CACNB2: variants seen among roughly 807,000 people sequenced by gnomAD.
The protein encoded by CACNB2 is voltage-dependent L-type calcium channel subunit beta-2.
Under a neutral mutation model 73.3 loss-of-function variants are expected in CACNB2, and 42 were observed. The observed-to-expected ratio is 0.57, with a 90% confidence interval of 0.45 to 0.74. The LOEUF (loss-of-function observed/expected upper bound fraction) is 0.74, where lower values mean the gene tolerates loss of function less well. CACNB2 is among the 30% of genes least tolerant of loss of function. The pLI is 0.00. For synonymous variants in CACNB2, 348 were observed against 310.3 expected (o/e 1.12, Z -1.28); for missense variants, 940 against 853.0 (o/e 1.10, Z -1.27).
intron 2 of CACNB2, chr10:18,261,876 T>C: frequency 2.0e-6 from 1 of 512,542 alleles, no homozygotes; most frequent in Non-Finnish European, 3.9e-6. Flanking sequence ...TTTTGCAAAA[T>C]GGCTGTCTGA....
At position 18,253,980 on chromosome 10, in the gene CACNB2, A is replaced by T. The variant is rs151334006; in HGVS notation, c.213+103005A>T. On this transcript the variant is annotated intron_variant, in intron 2 of 13. Coordinates refer to ENST00000324631, the MANE Select transcript of CACNB2 (RefSeq NM_201596.3). ...CCCAGAAACTAAGCAAATTTACATC[A>T]TACGAAGCTGAGGGATATAGGTTGA... 1.8e-3 allele frequency among the ~76,000 whole-genome samples: 278 copies of T among 152,338 alleles called. 4 individuals are homozygous for T. The highest frequency in any genetic ancestry group is 0.01 in the Middle Eastern group (3 of 294).
intron 3 of CACNB2, among the ~76,000 whole-genome samples, chr10:18,437,020 T>A (rs924634880): frequency 6.6e-6 from 1 of 152,240 alleles, no homozygotes; most frequent in African/African-American, 2.4e-5. Context: ...CAATCAATCT[T>A]ATTTTGGTGT....
chr10:18,292,538 T>G (rs2039109384), intron 2 of CACNB2, among the ~76,000 whole-genome samples: 1 of 152,046 alleles, frequency 6.6e-6, no homozygotes, highest in South Asian at 2.1e-4. Flanking sequence ...TGCCTATAGT[T>G]CCAGCTACTC....
rs182429642 is a variant in CACNB2 at position 18,391,015 on chromosome 10, G to A, written c.214-10909G>A. Reference sequence around the variant, plus strand: ...AAAGAAGCTTCACAAAAAATAAGTTGTAATCATATTTTCAAAATATAAAGT... The same window carrying A: ...AAAGAAGCTTCACAAAAAATAAGTTATAATCATATTTTCAAAATATAAAGT... On this transcript the variant is annotated intron_variant, in intron 2 of 13. Transcript: ENST00000324631. Among the ~76,000 whole-genome samples the A allele has an allele frequency of 5.3e-4, 81 of 152,324 alleles. No individual in the cohort carries two copies. The East Asian group carries it at 0.012, about 22-fold the overall frequency.
chr10:18,453,876 T>G (rs2047136409), intron 3 of CACNB2, among the ~76,000 whole-genome samples: 1 of 152,152 alleles, frequency 6.6e-6, no homozygotes, highest in Admixed American at 6.5e-5. Flanking sequence ...CTCAGGTCAT[T>G]TGCCTGCCTG....
At chr10:18,443,997 G>A (rs1486597409) in intron 3 of CACNB2, among the ~76,000 whole-genome samples, 5 of 152,166 alleles carry the variant, frequency 3.3e-5, no homozygotes, top group Admixed American at 1.3e-4. Flanking sequence ...TTACAGGCGT[G>A]AGCCACCACA....
chr10:18,365,902 A>AGC (rs2042325675), intron 2 of CACNB2, among the ~76,000 whole-genome samples: 1 of 152,240 alleles, frequency 6.6e-6, no homozygotes, highest in Non-Finnish European at 1.5e-5. Context: ...TGAGGATGTA[A>AGC]GAATCTGTCA....
chr10:18,296,106 T>G (rs910685791), intron 2 of CACNB2, among the ~76,000 whole-genome samples: 1 of 150,796 alleles, frequency 6.6e-6, no homozygotes, highest in Non-Finnish European at 1.5e-5. Context: ...CAGAGATCTA[T>G]CTCTTGTTGC....
intron 3 of CACNB2, among the ~76,000 whole-genome samples, chr10:18,491,165 C>T (rs575517524): frequency 6.6e-6 from 1 of 152,314 alleles, no homozygotes; most frequent in African/African-American, 2.4e-5. Flanking sequence ...AGTAAATGGC[C>T]CACTGGCCTC....
intron 2 of CACNB2, among the ~76,000 whole-genome samples, chr10:18,198,108 T>A (rs925548688): frequency 1.3e-5 from 2 of 148,152 alleles, no homozygotes; most frequent in African/African-American, 4.9e-5. Context: ...ATGTAATATA[T>A]TCATATGACA....
At chr10:18,279,170 G>A (rs1028133584) in intron 2 of CACNB2, among the ~76,000 whole-genome samples, 1 of 152,184 alleles carries the variant, frequency 6.6e-6, no homozygotes, top group Non-Finnish European at 1.5e-5. Context: ...GGATTTGGCT[G>A]TCTTTCTGAA....
At chr10:18,308,782 T>C (rs1589003443) in intron 2 of CACNB2, among the ~76,000 whole-genome samples, 1 of 152,190 alleles carries the variant, frequency 6.6e-6, no homozygotes, top group Non-Finnish European at 1.5e-5. Flanking sequence ...CTGACACCTT[T>C]GGCTCTTGGC....
chr10:18,490,819 C>G (rs1287360749), intron 3 of CACNB2, among the ~76,000 whole-genome samples: 1 of 144,256 alleles, frequency 6.9e-6, no homozygotes, highest in Non-Finnish European at 1.5e-5. Context: ...ACAGCTATGA[C>G]CAAGCCTTTC....
chr10:18,508,520 A>T (rs1225387680), intron 6 of CACNB2, among the ~76,000 whole-genome samples: 1 of 152,166 alleles, frequency 6.6e-6, no homozygotes, highest in Non-Finnish European at 1.5e-5. Context: ...GTGGAAAAAG[A>T]CTATGTCACC....
chr10:18,338,790 G>C (rs1335847845), intron 2 of CACNB2, among the ~76,000 whole-genome samples: 1 of 132,128 alleles, frequency 7.6e-6, no homozygotes, highest in East Asian at 2.3e-4. Flanking sequence ...CCAGGCTGCA[G>C]TGCAGTGGTA....
chr10:18,506,295 T>C (rs1268479686), intron 5 of CACNB2, among the ~76,000 whole-genome samples, 176 bp from the exon 6 acceptor site: 1 of 152,232 alleles, frequency 6.6e-6, no homozygotes, highest in Non-Finnish European at 1.5e-5. Context: ...GAGACCATCA[T>C]GTGGCTATTT....
chr10:18,140,857 G>A lies in CACNB2; in HGVS notation c.120+1G>A. 1 of 1,598,436 alleles carries A rather than the reference G, an allele frequency of 6.3e-7. No individual in the cohort carries two copies. Among genetic ancestry groups the A allele is most frequent in the South Asian group, 1.1e-5 (1 of 88,566 alleles). Reference sequence around the variant, plus strand: ...GGGGGCGCTCGGAGCCGCCGCACAGGTAGCGAGAGCGCGGCGCCTTCTCCT... The same window carrying A: ...GGGGGCGCTCGGAGCCGCCGCACAGATAGCGAGAGCGCGGCGCCTTCTCCT... On this transcript the variant is annotated splice_donor_variant, in intron 1 of 13. Coordinates refer to ENST00000324631, the MANE Select transcript of CACNB2 (RefSeq NM_201596.3). LOFTEE classifies it high-confidence loss of function.
chr10:18,396,700 A>G (rs1394356448), intron 2 of CACNB2, among the ~76,000 whole-genome samples: 3 of 152,026 alleles, frequency 2.0e-5, no homozygotes, highest in African/African-American at 7.2e-5. Flanking sequence ...CGAACTCCTG[A>G]CCACAGGTGA....
chr10:18,529,242 GA>G (rs2052761806), intron 10 of CACNB2, among the ~76,000 whole-genome samples: 2 of 151,520 alleles, frequency 1.3e-5, no homozygotes, highest in East Asian at 1.9e-4. Context: ...AGATTGCCAA[GA>G]TTTTTTTTAC....
Sources: gnomAD v4.1 joint callset for allele counts (sites outside exome capture counted in the v4.1 genomes callset) on GRCh38, gnomAD v4.1.1 for gene constraint, MANE v1.5 for transcripts, NCBI Gene and HGNC (gene_info 2026-07-23, HGNC 2026-07-21) for gene names.